APP: variants seen among roughly 807,000 people sequenced by gnomAD.
The protein encoded by APP is amyloid beta precursor protein.
In APP, 31 loss-of-function variants were observed where a neutral mutation model predicts 101.4. That is an observed-to-expected ratio of 0.31 (90% CI 0.23 to 0.41). APP has a LOEUF of 0.41. APP is among the 10% of genes least tolerant of loss of function. APP has a pLI of 1.00. For synonymous variants in APP, 366 were observed against 364.4 expected (o/e 1.00, Z -0.05); for missense variants, 839 against 1,003.7 (o/e 0.84, Z 2.22).
At chr21:26,127,209 A>C (rs2062703092) in intron 1 of APP, among the ~76,000 whole-genome samples, 1 of 152,134 alleles carries the variant, frequency 6.6e-6, no homozygotes, top group African/African-American at 2.4e-5. Context: ...TAAAAAAAAA[A>C]AATGAGGTGG....
intron 1 of APP, among the ~76,000 whole-genome samples, chr21:26,168,783 C>T (rs1375158326): frequency 6.6e-6 from 1 of 152,084 alleles, no homozygotes; most frequent in African/African-American, 2.4e-5. Context: ...ACATGGAAAA[C>T]GAAATTCTTT....
chr21:26,149,902 C>T (rs1043549305), intron 1 of APP, among the ~76,000 whole-genome samples: 3 of 152,142 alleles, frequency 2.0e-5, no homozygotes, highest in Non-Finnish European at 4.4e-5. Context: ...TCCAACACCC[C>T]AGCATGCTCC....
chr21:25,917,780 G>A (rs1348188913), intron 13 of APP, among the ~76,000 whole-genome samples: 1 of 151,866 alleles, frequency 6.6e-6, no homozygotes, highest in East Asian at 1.9e-4. Context: ...ATCTGACAAA[G>A]GTCTAATATC....
chr21:26,068,415 G>C (rs2046544451), intron 3 of APP: 1 of 151,734 alleles, frequency 6.6e-6, no homozygotes, highest in African/African-American at 2.4e-5. Context: ...AACCAGGCTG[G>C]AGTGCAGTGC....
intron 13 of APP, among the ~76,000 whole-genome samples, chr21:25,950,863 A>G (rs997120751): frequency 3.3e-5 from 5 of 152,192 alleles, no homozygotes; most frequent in African/African-American, 9.7e-5. Flanking sequence ...CTAATAAGAA[A>G]TAATGGGTGA....
At chr21:26,152,494 T>C (rs1161135869) in intron 1 of APP, among the ~76,000 whole-genome samples, 1 of 152,008 alleles carries the variant, frequency 6.6e-6, no homozygotes, top group Non-Finnish European at 1.5e-5. Flanking sequence ...AAATAAAATG[T>C]AGGATCTAAA....
chr21:26,030,909 G>C (rs2146820640), intron 5 of APP, among the ~76,000 whole-genome samples: 1 of 152,290 alleles, frequency 6.6e-6, no homozygotes, highest in Admixed American at 6.5e-5. Flanking sequence ...GTCTGCTCTG[G>C]AGTCTAGGGA....
chr21:26,158,528 A>AT (rs2146367502), intron 1 of APP, among the ~76,000 whole-genome samples: 1 of 152,338 alleles, frequency 6.6e-6, no homozygotes, highest in East Asian at 1.9e-4. Context: ...TATCTGGCCC[A>AT]TGAGATTAAG....
At chr21:26,018,781 T>C (rs1405172279) in intron 6 of APP, among the ~76,000 whole-genome samples, 3 of 152,226 alleles carry the variant, frequency 2.0e-5, no homozygotes, top group Non-Finnish European at 2.9e-5. Flanking sequence ...TTGCTTTTGT[T>C]GCTCTTCTTG....
At chr21:26,104,324 A>C (rs45470603) in intron 2 of APP, among the ~76,000 whole-genome samples, 1 of 140,880 alleles carries the variant, frequency 7.1e-6, no homozygotes, top group African/African-American at 2.6e-5. Context: ...AAAAGGGGGG[A>C]AAAATCTCAA....
intron 2 of APP, among the ~76,000 whole-genome samples, chr21:26,109,817 T>C (rs2062270706): frequency 6.6e-6 from 1 of 152,164 alleles, no homozygotes; most frequent in African/African-American, 2.4e-5. Context: ...CTATGACACA[T>C]GTATCAAAAT....
At chr21:25,957,788 C>A (rs567526838) in intron 11 of APP, among the ~76,000 whole-genome samples, 1 of 151,884 alleles carries the variant, frequency 6.6e-6, no homozygotes, top group South Asian at 2.1e-4. Flanking sequence ...TTGAGACCAG[C>A]CTGGACAACA....
intron 1 of APP, among the ~76,000 whole-genome samples, chr21:26,130,041 G>GTT (rs1341136646): frequency 1.3e-5 from 2 of 152,132 alleles, no homozygotes; most frequent in Non-Finnish European, 2.9e-5. Context: ...TTTCTTAAAT[G>GTT]TTTTCCTGAG....
chr21:26,136,130 C>CA lies in APP; in HGVS notation c.58-23985dup, dbSNP rs566248174. 5.2e-4 allele frequency among the ~76,000 whole-genome samples: 26 copies of CA among 50,390 alleles called. No individual in the cohort carries two copies. In the African/African-American group the frequency reaches 5.4e-3, roughly 10 times the overall value. The allele number at this position is 50,390 out of a possible 152,430, so 33.1% of individuals were successfully genotyped here. ...TGGGCAACAGAGTGAGACTCTGTCT[C>CA]AAAAAAGAAAAAAGAAAAGAAAAGA... On this transcript the variant is annotated intron_variant, in intron 1 of 17. Coordinates refer to ENST00000346798, the MANE Select transcript of APP (RefSeq NM_000484.4).
intron 1 of APP, among the ~76,000 whole-genome samples, chr21:26,152,827 A>G: frequency 6.6e-6 from 1 of 152,234 alleles, no homozygotes; most frequent in Non-Finnish European, 1.5e-5. Flanking sequence ...ATTGTATGAA[A>G]AAGACACTTG....
intron 2 of APP, among the ~76,000 whole-genome samples, chr21:26,094,101 C>A (rs564240753): frequency 7.0e-6 from 1 of 143,728 alleles, no homozygotes. Flanking sequence ...GGTGACAGAG[C>A]GAGACTCGGT....
intron 3 of APP, among the ~76,000 whole-genome samples, chr21:26,061,836 A>T (rs2046275528): frequency 6.6e-6 from 1 of 152,204 alleles, no homozygotes; most frequent in African/African-American, 2.4e-5. Flanking sequence ...GTTTTACCTA[A>T]ATCATCTCTC....
chr21:25,908,931 T>G (rs2038923267), intron 14 of APP, among the ~76,000 whole-genome samples: 1 of 152,228 alleles, frequency 6.6e-6, no homozygotes, highest in South Asian at 2.1e-4. Context: ...TGGGGTAGTA[T>G]TTAATATCCT....
chr21:26,083,205 C>T (rs889961533), intron 3 of APP, among the ~76,000 whole-genome samples: 2 of 152,110 alleles, frequency 1.3e-5, no homozygotes, highest in African/African-American at 4.8e-5. Flanking sequence ...ATATAAAAAT[C>T]AACTAAACAC....
Sources: allele counts gnomAD v4.1 joint callset (sites outside exome capture counted in the v4.1 genomes callset), GRCh38; gene constraint gnomAD v4.1.1; transcripts MANE v1.5; gene names NCBI Gene and HGNC (gene_info 2026-07-23, HGNC 2026-07-21).